Variants in RASSF3 observed in about 807,000 individuals in gnomAD.
RASSF3 encodes ras association domain-containing protein 3.
RASSF3 carries 19 observed loss-of-function variants against 19.9 expected under a neutral mutation model. That is an observed-to-expected ratio of 0.96 (90% CI 0.67 to 1.40). The LOEUF (loss-of-function observed/expected upper bound fraction) is 1.40, where lower values mean the gene tolerates loss of function less well. Among genes scored for constraint, RASSF3 ranks in the 40% most tolerant of loss-of-function variants. The pLI is 0.00. For missense variants in RASSF3, 306 were observed against 289.8 expected (o/e 1.06, Z -0.41); for synonymous variants, 110 against 104.2 (o/e 1.06, Z -0.34).
intron 2 of RASSF3, among the ~76,000 whole-genome samples, chr12:64,569,639 T>A (rs918552074): frequency 6.6e-6 from 1 of 152,212 alleles, no homozygotes; most frequent in Non-Finnish European, 1.5e-5. Flanking sequence ...TGAGGAAATG[T>A]ATTCCTAGGT....
At chr12:64,659,067 A>G (rs908934429) in intron 1 of RASSF3, among the ~76,000 whole-genome samples, 7 of 152,166 alleles carry the variant, frequency 4.6e-5, no homozygotes, top group Admixed American at 2.6e-4. Flanking sequence ...AAAAAAGAAC[A>G]AATTGTGGAA....
At chr12:64,676,258 G>C (rs1330061701) in intron 1 of RASSF3, among the ~76,000 whole-genome samples, 1 of 145,090 alleles carries the variant, frequency 6.9e-6, no homozygotes, top group Non-Finnish European at 1.5e-5. Flanking sequence ...CAGGGTTCAA[G>C]CGATTCTCCT....
chr12:64,622,502 G>A (rs762485153), intron 1 of RASSF3: 2 of 530,882 alleles, frequency 3.8e-6, no homozygotes, highest in Non-Finnish European at 7.7e-6. Flanking sequence ...GATGAGAAAG[G>A]AATCGGCATT....
intron 1 of RASSF3, among the ~76,000 whole-genome samples, chr12:64,614,633 C>G (rs977618437): frequency 6.6e-6 from 1 of 151,726 alleles, no homozygotes; most frequent in African/African-American, 2.4e-5. Context: ...AATTTTATGG[C>G]TCCATATTCC....
rs894339396 is a variant in RASSF3, at chr12:64,535,780, C to T, written c.67+2446C>T. Among the ~76,000 whole-genome samples, 9 of 150,354 alleles carry T rather than the reference C, an allele frequency of 6.0e-5. No homozygotes were observed. In the East Asian group the frequency reaches 9.8e-4, roughly 16 times the overall value. On this transcript the variant is annotated intron_variant, in intron 1 of 1. Transcript: ENST00000636333. ...TTGGGTCACTGCAACCTTTGCCTTC[C>T]GGGTTCCAGTGATTCTCCTGCCCCA...
chr12:64,663,716 G>C (rs1484486891), intron 1 of RASSF3, among the ~76,000 whole-genome samples: 1 of 152,008 alleles, frequency 6.6e-6, no homozygotes, highest in Non-Finnish European at 1.5e-5. Context: ...ATGTTAGCCA[G>C]GCTGGCCTTG....
rs746650395 is a variant in RASSF3 at position 64,691,583 on chromosome 12, A to AGT, written c.567+5_567+6dup. On this transcript the variant is annotated splice_donor_region_variant and intron_variant, in intron 4 of 4. Coordinates refer to ENST00000542104, the MANE Select transcript of RASSF3 (RefSeq NM_178169.4). Reference sequence around the variant, plus strand: ...TCGTGAACATGAAATTGGAGAGGTAAGTTATTGTTCACTATTGCTTTAAAC... The same window carrying AGT: ...TCGTGAACATGAAATTGGAGAGGTAAGTGTTATTGTTCACTATTGCTTTAAAC... 1.9e-6 allele frequency: 3 copies of AGT among 1,579,568 alleles called. No individual in the cohort carries two copies. The highest frequency in any genetic ancestry group is 2.6e-6 in the Non-Finnish European group (3 of 1,148,966).
intron 1 of RASSF3, among the ~76,000 whole-genome samples, chr12:64,681,929 C>G (rs1464574625): frequency 1.3e-5 from 2 of 152,174 alleles, no homozygotes; most frequent in African/African-American, 4.8e-5. Flanking sequence ...TGTTTGAACT[C>G]AGGAAGTCAA....
intron 1 of RASSF3, among the ~76,000 whole-genome samples, chr12:64,619,708 G>A (rs926971484): frequency 1.3e-5 from 2 of 152,050 alleles, no homozygotes; most frequent in South Asian, 2.1e-4. Context: ...GTTGCCAGGC[G>A]TGGTGGCTCA....
chr12:64,670,033 T>G (rs997753790), intron 1 of RASSF3, among the ~76,000 whole-genome samples: 5 of 152,180 alleles, frequency 3.3e-5, no homozygotes, highest in Non-Finnish European at 5.9e-5. Flanking sequence ...GTATCAGTTT[T>G]TTTTTTTTAA....
intron 1 of RASSF3, among the ~76,000 whole-genome samples, chr12:64,638,484 G>T (rs1403045301): frequency 1.3e-5 from 2 of 151,742 alleles, no homozygotes; most frequent in East Asian, 1.9e-4. Flanking sequence ...GGAGGCTGAG[G>T]CAGGAGAATG....
intron 1 of RASSF3, among the ~76,000 whole-genome samples, chr12:64,672,480 C>A (rs1872732245): frequency 6.6e-6 from 1 of 152,134 alleles, no homozygotes; most frequent in African/African-American, 2.4e-5. Flanking sequence ...CCCACCTCGG[C>A]CTCCCAAAGT....
intron 1 of RASSF3, among the ~76,000 whole-genome samples, chr12:64,638,876 G>A (rs1272190447): frequency 1.3e-5 from 2 of 152,184 alleles, no homozygotes; most frequent in African/African-American, 2.4e-5. Flanking sequence ...ACGCCATAGT[G>A]TGCCCATTTT....
At chr12:64,563,327 C>A (rs1346123501) in intron 2 of RASSF3, among the ~76,000 whole-genome samples, 1 of 151,758 alleles carries the variant, frequency 6.6e-6, no homozygotes, top group East Asian at 1.9e-4. Flanking sequence ...CCACCAGGCC[C>A]GGCTAAATTT....
intron 2 of RASSF3, 37 bp downstream of exon 2, chr12:64,684,931 CA>C: frequency 8.6e-7 from 1 of 1,167,068 alleles, no homozygotes; most frequent in Non-Finnish European, 1.3e-6. Context: ...TGACACCTGT[CA>C]AAAGACAAAT....
intron 1 of RASSF3, among the ~76,000 whole-genome samples, chr12:64,684,578 T>C (rs759644936): frequency 3.3e-5 from 5 of 151,884 alleles, no homozygotes; most frequent in African/African-American, 4.8e-5. Context: ...TTTACAAGCG[T>C]GCGCCACCAT....
intron 1 of RASSF3, chr12:64,533,459 G>A (rs1258004131): frequency 1.3e-5 from 2 of 152,226 alleles, no homozygotes; most frequent in East Asian, 3.8e-4. Flanking sequence ...TTCAGGGCTA[G>A]GGATGAATCC....
rs573811263 is a variant in RASSF3, at chr12:64,647,695, A to G, written c.111+36952A>G. Among the ~76,000 whole-genome samples, 90 of 151,264 alleles carry G rather than the reference A, an allele frequency of 5.9e-4. 2 individuals are homozygous for G. In the East Asian group the frequency reaches 0.013, roughly 22 times the overall value. Reference sequence around the variant, plus strand: ...CAAAGTGCTGGGATTACAGGCATGAACCACCGCGCCCGGCCCCGGCCTTGT... The same window carrying G: ...CAAAGTGCTGGGATTACAGGCATGAGCCACCGCGCCCGGCCCCGGCCTTGT... On this transcript the variant is annotated intron_variant, in intron 1 of 4. Transcript: ENST00000542104.
chr12:64,628,029 T>C (rs1446170517), intron 1 of RASSF3, among the ~76,000 whole-genome samples: 4 of 152,132 alleles, frequency 2.6e-5, no homozygotes, highest in East Asian at 1.9e-4. Flanking sequence ...TCTGCTTGGA[T>C]AGGGAGAACC....
Sources: gnomAD v4.1 joint callset for allele counts (sites outside exome capture counted in the v4.1 genomes callset) on GRCh38, gnomAD v4.1.1 for gene constraint, MANE v1.5 for transcripts, NCBI Gene and HGNC (gene_info 2026-07-23, HGNC 2026-07-21) for gene names.